Variants in IGF1R observed in about 807,000 individuals in gnomAD.
IGF1R encodes insulin like growth factor 1 receptor, also known as insulin-like growth factor 1 receptor.
In IGF1R, 44 loss-of-function variants were observed where a neutral mutation model predicts 144.6. The ratio of observed to expected loss-of-function variants is 0.30; its 90% CI spans 0.24 to 0.39. The LOEUF (loss-of-function observed/expected upper bound fraction) is 0.39, where lower values mean the gene tolerates loss of function less well. IGF1R is among the 10% of genes least tolerant of loss of function. The probability of loss-of-function intolerance (pLI) is 1.00; values close to 1 mark genes in which losing one functional copy is unlikely to be tolerated. For missense variants in IGF1R, 1,355 were observed against 1,833.7 expected, an observed-to-expected ratio of 0.74 and a Z score of 4.77; for synonymous variants, 795 against 722.8, an observed-to-expected ratio of 1.10 and a Z score of -1.60.
Position 98,959,054 on chromosome 15 carries a change from T to C in IGF1R, c.*1612T>C. On this transcript the variant is annotated 3_prime_UTR_variant, in exon 21 of 21. Transcript: ENST00000650285. ...CTGCCCTCACAGCATTGGAGCCTGTTACAGTGCAAGACATGATACAAACTC... is the reference window on the plus strand; with the variant it reads ...CTGCCCTCACAGCATTGGAGCCTGTCACAGTGCAAGACATGATACAAACTC... The C allele has an allele frequency of 4.3e-6, 1 of 233,286 alleles. No individual in the cohort carries two copies. Among genetic ancestry groups the C allele is most frequent in the Non-Finnish European group, 8.5e-6 (1 of 118,036 alleles). The allele number at this position is 233,286 out of a possible 1,614,324, so 14.5% of individuals were successfully genotyped here. A position where few individuals can be genotyped will look rare whatever the true frequency, so the allele number is the denominator to read the frequency against.
chr15:98,774,891 G>A (rs868325065), intron 2 of IGF1R, among the ~76,000 whole-genome samples: 4 of 152,270 alleles, frequency 2.6e-5, no homozygotes, highest in Middle Eastern at 3.4e-3. Flanking sequence ...AGGAAGATGA[G>A]TAGTACTCGA....
At chr15:98,733,177 C>T (rs189258195) in intron 2 of IGF1R, among the ~76,000 whole-genome samples, 3 of 152,234 alleles carry the variant, frequency 2.0e-5, no homozygotes, top group East Asian at 1.9e-4. Flanking sequence ...AAGGCTCCTC[C>T]GAGTCTCCAA....
At chr15:98,934,801 T>C in intron 15 of IGF1R, 23 bp from the exon 16 acceptor site, 1 of 1,603,714 alleles carries the variant, frequency 6.2e-7, no homozygotes, top group Non-Finnish European at 8.5e-7. Flanking sequence ...CTGTACCTGC[T>C]TTAATTACGG....
chr15:98,737,031 A>G (rs765413423), intron 2 of IGF1R, among the ~76,000 whole-genome samples: 7 of 152,218 alleles, frequency 4.6e-5, no homozygotes, highest in Non-Finnish European at 8.8e-5. Context: ...ATTCAAAGTC[A>G]GTCGATTTTC....
intron 1 of IGF1R, among the ~76,000 whole-genome samples, chr15:98,668,066 G>A (rs1203436813): frequency 2.0e-5 from 3 of 152,094 alleles, no homozygotes; most frequent in Non-Finnish European, 4.4e-5. Context: ...TCAAGGTGCC[G>A]ACCAAATTTG....
At chr15:98,934,235 C>T (rs923451251) in intron 15 of IGF1R, among the ~76,000 whole-genome samples, 1 of 151,844 alleles carries the variant, frequency 6.6e-6, no homozygotes, top group African/African-American at 2.4e-5. Context: ...ATAGCCCAGG[C>T]ATAGCATCTG....
At chr15:98,922,521 G>A (rs2015532906) in intron 11 of IGF1R, 90 bp downstream of exon 11, 1 of 1,496,704 alleles carries the variant, frequency 6.7e-7, no homozygotes, top group South Asian at 1.1e-5. Context: ...TGACACCCAG[G>A]GCCATGACCC....
chr15:98,914,475 A>G (rs774211164), intron 8 of IGF1R, among the ~76,000 whole-genome samples: 1 of 152,208 alleles, frequency 6.6e-6, no homozygotes, highest in Non-Finnish European at 1.5e-5. Context: ...CCCCATCTCC[A>G]TGACCCTGTA....
At chr15:98,950,802 G>T (rs189322652) in intron 20 of IGF1R, among the ~76,000 whole-genome samples, 164 of 152,218 alleles carry the variant, frequency 1.1e-3, no homozygotes, top group Non-Finnish European at 1.8e-3. Flanking sequence ...GGATTATATG[G>T]GATATTTACA....
intron 2 of IGF1R, among the ~76,000 whole-genome samples, chr15:98,826,275 C>A (rs913334172): frequency 6.6e-6 from 1 of 152,176 alleles, no homozygotes; most frequent in Non-Finnish European, 1.5e-5. Context: ...GTAGGACTTT[C>A]CTCAGGGATT....
At chr15:98,867,473 C>T (rs1309505009) in intron 2 of IGF1R, among the ~76,000 whole-genome samples, 4 of 152,202 alleles carry the variant, frequency 2.6e-5, no homozygotes, top group African/African-American at 9.7e-5. Context: ...TTGCCTAGGT[C>T]TAAAGTCACT....
intron 6 of IGF1R, 44 bp downstream of exon 6, chr15:98,908,943 T>G: frequency 6.5e-7 from 1 of 1,539,254 alleles, no homozygotes; most frequent in Non-Finnish European, 8.9e-7. Context: ...ACCATCATGA[T>G]AACAGCAGAC....
At chr15:98,693,761 A>G (rs1170212057) in intron 1 of IGF1R, among the ~76,000 whole-genome samples, 1 of 152,108 alleles carries the variant, frequency 6.6e-6, no homozygotes. Context: ...GTATGCCACC[A>G]TGCCACGCTC....
intron 2 of IGF1R, among the ~76,000 whole-genome samples, chr15:98,865,527 C>T (rs1049535782): frequency 6.6e-6 from 1 of 152,176 alleles, no homozygotes; most frequent in East Asian, 1.9e-4. Flanking sequence ...TCCCAGGCCA[C>T]GCTGGGCTTC....
At chr15:98,840,315 T>C (rs1051389411) in intron 2 of IGF1R, among the ~76,000 whole-genome samples, 1 of 152,216 alleles carries the variant, frequency 6.6e-6, no homozygotes, top group African/African-American at 2.4e-5. Flanking sequence ...ACATCTTGCT[T>C]TCTGTGGTGC....
intron 2 of IGF1R, among the ~76,000 whole-genome samples, chr15:98,865,487 C>G (rs1437895195): frequency 6.6e-6 from 1 of 152,148 alleles, no homozygotes; most frequent in Non-Finnish European, 1.5e-5. Context: ...CGTGACTGCG[C>G]CCCGGCCACG....
chr15:98,675,372 G>C (rs2053009763), intron 1 of IGF1R, among the ~76,000 whole-genome samples: 1 of 152,052 alleles, frequency 6.6e-6, no homozygotes, highest in Non-Finnish European at 1.5e-5. Flanking sequence ...TTAATTCTTT[G>C]GGCTAGATTC....
At position 98,911,354 on chromosome 15, in the gene IGF1R, C is replaced by A. The variant is rs543853218; in HGVS notation, c.1502C>A (p.Ser501Ter). The change falls in exon 7 of 21, where the codon TCG becomes TAG. Residue 501 changes from serine (S) to a stop codon, truncating the protein, a stop_gained. Coordinates refer to ENST00000650285, the MANE Select transcript of IGF1R (RefSeq NM_000875.5). LOFTEE classifies it high-confidence loss of function. ...DVLHFTSTTT[S>*]KNRIIITWHR... Reference sequence around the variant, plus strand: ...CTGCATTTCACCTCCACCACCACGTCGAAGAATCGCATCATCATAACCTGG... The same window carrying A: ...CTGCATTTCACCTCCACCACCACGTAGAAGAATCGCATCATCATAACCTGG... 1 of 1,614,140 alleles carries A rather than the reference C, an allele frequency of 6.2e-7. No homozygotes were observed.
chr15:98,823,148 G>A (rs769940884), intron 2 of IGF1R, among the ~76,000 whole-genome samples: 26 of 152,174 alleles, frequency 1.7e-4, no homozygotes, highest in Non-Finnish European at 2.5e-4. Context: ...TCATAAACTG[G>A]GCTAAGAAAC....
Sources: gnomAD v4.1 joint callset for allele counts (sites outside exome capture counted in the v4.1 genomes callset) on GRCh38, gnomAD v4.1.1 for gene constraint, MANE v1.5 for transcripts, NCBI Gene and HGNC (gene_info 2026-07-23, HGNC 2026-07-21) for gene names.